TTC39B: variants seen among roughly 807,000 people sequenced by gnomAD.
TTC39B encodes the protein tetratricopeptide repeat domain 39B.
In TTC39B, 92 loss-of-function variants were observed where a neutral mutation model predicts 96.6. That is an observed-to-expected ratio of 0.95 (90% CI 0.80 to 1.13). The LOEUF is 1.13. Among genes scored for constraint, TTC39B ranks in the 50% most tolerant of loss-of-function variants. TTC39B has a pLI of 0.00. For missense variants in TTC39B, 955 were observed against 809.3 expected, an observed-to-expected ratio of 1.18 and a Z score of -2.18; for synonymous variants, 367 against 299.4, an observed-to-expected ratio of 1.23 and a Z score of -2.33.
intron 1 of TTC39B, among the ~76,000 whole-genome samples, chr9:15,273,723 A>G (rs1195825127): frequency 1.3e-5 from 2 of 152,114 alleles, no homozygotes; most frequent in Non-Finnish European, 2.9e-5. Flanking sequence ...CCCACCCAAC[A>G]TTCCATTCCA....
At chr9:15,203,685 T>G in intron 7 of TTC39B, 138 bp downstream of exon 7, 1 of 643,352 alleles carries the variant, frequency 1.6e-6, no homozygotes, top group East Asian at 3.0e-5. Flanking sequence ...CAGCCAAAGT[T>G]TATCAGAATA....
At chr9:15,231,429 G>T (rs1402191801) in intron 2 of TTC39B, among the ~76,000 whole-genome samples, 1 of 152,184 alleles carries the variant, frequency 6.6e-6, no homozygotes, top group Non-Finnish European at 1.5e-5. Flanking sequence ...AGTTTTTGGT[G>T]TGCATTTGCT....
intron 19 of TTC39B, among the ~76,000 whole-genome samples, chr9:15,174,448 T>C (rs1817819686): frequency 6.6e-6 from 1 of 152,190 alleles, no homozygotes. Flanking sequence ...TAAAAGCTAT[T>C]GTCTACCAGA....
exon 12 of TTC39B, chr9:15,189,744 A>T: frequency 6.2e-7 from 1 of 1,613,932 alleles, no homozygotes; most frequent in African/African-American, 1.3e-5. Context: ...CTGCTGGAGG[A>T]AGGGTGCCAG....
At chr9:15,219,866 A>ACC (rs1203259259) in intron 3 of TTC39B, among the ~76,000 whole-genome samples, 1 of 152,160 alleles carries the variant, frequency 6.6e-6, no homozygotes, top group African/African-American at 2.4e-5. Context: ...CCCAACCATG[A>ACC]CCCTCACAAG....
intron 2 of TTC39B, among the ~76,000 whole-genome samples, chr9:15,226,504 T>C (rs1338471318): frequency 6.6e-6 from 1 of 152,206 alleles, no homozygotes; most frequent in Non-Finnish European, 1.5e-5. Context: ...TTGTTACCTG[T>C]CCCTCATTTT....
intron 17 of TTC39B, among the ~76,000 whole-genome samples, chr9:15,178,321 C>G (rs1818069072): frequency 6.6e-6 from 1 of 152,076 alleles, no homozygotes; most frequent in South Asian, 2.1e-4. Flanking sequence ...ATCTGTAATC[C>G]CAATGCTTTG....
chr9:15,240,937 T>C (rs985392641), intron 2 of TTC39B, among the ~76,000 whole-genome samples: 4 of 152,234 alleles, frequency 2.6e-5, no homozygotes, highest in Non-Finnish European at 5.9e-5. Flanking sequence ...TTTATGCATA[T>C]TTACCATCTC....
chr9:15,250,097 T>C (rs1349490972), intron 2 of TTC39B: 1 of 1,269,856 alleles, frequency 7.9e-7, no homozygotes. Flanking sequence ...AGACTCTCAA[T>C]TCTCAGGCAC....
intron 1 of TTC39B, among the ~76,000 whole-genome samples, chr9:15,285,506 G>A (rs1344321233): frequency 2.0e-5 from 3 of 152,136 alleles, no homozygotes; most frequent in Non-Finnish European, 4.4e-5. Context: ...CACATGTACC[G>A]TATAAATGTA....
chr9:15,214,234 C>T (rs1820371787), exon 4 of TTC39B: 3 of 1,613,394 alleles, frequency 1.9e-6, no homozygotes, highest in South Asian at 1.1e-5. Context: ...TGAGATCCAC[C>T]TTGGTTGATG....
intron 9 of TTC39B, 39 bp from the exon 10 acceptor site, chr9:15,191,294 GT>G: frequency 7.2e-7 from 1 of 1,384,502 alleles, no homozygotes; most frequent in Non-Finnish European, 1.0e-6. Context: ...ATGTGTTAGT[GT>G]TTCTAACTGC....
exon 20 of TTC39B, chr9:15,168,398 T>C (rs1333089449): frequency 8.9e-6 from 1 of 111,910 alleles, no homozygotes; most frequent in African/African-American, 3.8e-5. Context: ...TTAAGATTTC[T>C]AAATATGCAG....
chr9:15,230,249 C>G (rs1288584721), intron 2 of TTC39B, among the ~76,000 whole-genome samples: 3 of 152,206 alleles, frequency 2.0e-5, no homozygotes, highest in Non-Finnish European at 4.4e-5. Flanking sequence ...AGACCTAATT[C>G]ACAGACCATA....
intron 1 of TTC39B, among the ~76,000 whole-genome samples, chr9:15,290,945 G>A (rs1824167827): frequency 6.6e-6 from 1 of 152,088 alleles, no homozygotes; most frequent in African/African-American, 2.4e-5. Context: ...CATTTTTTGG[G>A]TTATACGTAA....
rs146555884 is a variant in TTC39B at position 15,180,555 on chromosome 9, C to T, written c.1723+1752G>A. 7.8e-4 allele frequency among the ~76,000 whole-genome samples: 119 copies of T among 152,252 alleles called. 1 individual carries two copies. The highest frequency in any genetic ancestry group is 2.7e-3 in the African/African-American group (113 of 41,542). ...CCTCTACCATCTTTTACTTTAGACA[C>T]ACTTGCAAAGCTAGGAGAAGCCAAT... On this transcript the variant is annotated intron_variant, in intron 17 of 19. Transcript: ENST00000512701.
intron 17 of TTC39B, among the ~76,000 whole-genome samples, chr9:15,181,583 C>T (rs1477720024): frequency 6.6e-6 from 1 of 152,126 alleles, no homozygotes; most frequent in South Asian, 2.1e-4. Flanking sequence ...CAGCTGCTTC[C>T]GGTAAACTGA....
chr9:15,287,470 A>G (rs1298708426), intron 1 of TTC39B, among the ~76,000 whole-genome samples: 6 of 152,208 alleles, frequency 3.9e-5, no homozygotes, highest in Non-Finnish European at 8.8e-5. Context: ...TTTAACAAAG[A>G]GATAAGAGTT....
chr9:15,267,695 T>C (rs1823185434), intron 2 of TTC39B, among the ~76,000 whole-genome samples: 1 of 152,212 alleles, frequency 6.6e-6, no homozygotes, highest in Non-Finnish European at 1.5e-5. Flanking sequence ...ATATTTTATT[T>C]TGTTACAAGA....
Sources: allele counts gnomAD v4.1 joint callset (sites outside exome capture counted in the v4.1 genomes callset), GRCh38; gene constraint gnomAD v4.1.1; transcripts MANE v1.5; gene names NCBI Gene and HGNC (gene_info 2026-07-23, HGNC 2026-07-21).